The following LAPTM4B variants were observed in gnomAD, a reference collection of about 807,000 sequenced individuals.
LAPTM4B encodes lysosomal protein transmembrane 4 beta.
LAPTM4B carries 26 observed loss-of-function variants against 28.5 expected under a neutral mutation model. The observed-to-expected ratio is 0.91, with a 90% CI of 0.67 to 1.27. LAPTM4B has a LOEUF of 1.27. Ranked by LOEUF, LAPTM4B falls within the 50% of genes most tolerant of loss-of-function variation. LAPTM4B has a pLI of 0.00. For synonymous variants in LAPTM4B, 109 were observed against 106.4 expected (o/e 1.02, Z -0.15); for missense variants, 288 against 285.8 (o/e 1.01, Z -0.06).
intron 1 of LAPTM4B, 32 bp from the exon 2 acceptor site, chr8:97,805,321 A>ATTTT: frequency 1.1e-6 from 1 of 941,206 alleles, no homozygotes; most frequent in South Asian, 1.6e-5. Flanking sequence ...GGTTACTTAA[A>ATTTT]TTCTTTTTTT....
chr8:97,818,402 A>T (rs1378450407), intron 4 of LAPTM4B, among the ~76,000 whole-genome samples: 2 of 152,158 alleles, frequency 1.3e-5, no homozygotes, highest in African/African-American at 4.8e-5. Flanking sequence ...CTTCCCATTC[A>T]CTTGCCTAGG....
intron 2 of LAPTM4B, among the ~76,000 whole-genome samples, chr8:97,811,845 G>C (rs1248578341): frequency 6.6e-6 from 1 of 152,050 alleles, no homozygotes. Context: ...TTGCTCTGTC[G>C]CCCAGGCTGG....
At chr8:97,841,257 T>C (rs1031174153) in intron 6 of LAPTM4B, among the ~76,000 whole-genome samples, 15 of 147,392 alleles carry the variant, frequency 1.0e-4, no homozygotes, top group African/African-American at 3.8e-4. Context: ...TACAGAGTTG[T>C]GTGTCTGTGT....
chr8:97,776,132 G>T (rs1209379509), intron 1 of LAPTM4B, 24 bp downstream of exon 1: 38 of 1,552,146 alleles, frequency 2.4e-5, no homozygotes, highest in Non-Finnish European at 3.3e-5. Flanking sequence ...GCCCGGCCCG[G>T]GACCCTGCGT....
chr8:97,781,966 A>G (rs1166307223), intron 1 of LAPTM4B, among the ~76,000 whole-genome samples: 2 of 143,946 alleles, frequency 1.4e-5, no homozygotes, highest in South Asian at 2.2e-4. Context: ...ACATTCTTGC[A>G]CAAGACTTTG....
intron 1 of LAPTM4B, among the ~76,000 whole-genome samples, chr8:97,799,917 A>C (rs894288092): frequency 1.3e-5 from 2 of 151,872 alleles, no homozygotes; most frequent in African/African-American, 4.8e-5. Context: ...TCATACTTGG[A>C]ATTGTTCTTT....
At chr8:97,776,697 C>CA (rs933048815) in intron 1 of LAPTM4B, among the ~76,000 whole-genome samples, 5 of 152,060 alleles carry the variant, frequency 3.3e-5, no homozygotes, top group South Asian at 2.1e-4. Context: ...GGGTCCCCCC[C>CA]CCGATGTTTT....
rs1231753573 is a variant in LAPTM4B at position 97,775,834 on chromosome 8, C to T, written c.-176C>T. 6 of 1,548,292 alleles carry T rather than the reference C, an allele frequency of 3.9e-6. No individual in the cohort carries two copies. The highest frequency in any genetic ancestry group is 1.9e-5 in the Admixed American group (1 of 52,286). ...GCCTTCGGAGCGAAGGGTACCGACC[C>T]GGCAGAAGCTCGGAGCTCTCGGGGT... On this transcript the variant is annotated 5_prime_UTR_variant, in exon 1 of 7. Coordinates refer to ENST00000521545, the MANE Select transcript of LAPTM4B (RefSeq NM_018407.6).
At chr8:97,840,141 C>T (rs1316101182) in intron 6 of LAPTM4B, among the ~76,000 whole-genome samples, 1 of 152,176 alleles carries the variant, frequency 6.6e-6, no homozygotes, top group Non-Finnish European at 1.5e-5. Flanking sequence ...GATAGGATTA[C>T]CGAGGTGATA....
chr8:97,811,957 C>T (rs1488810360), intron 2 of LAPTM4B, among the ~76,000 whole-genome samples: 1 of 152,008 alleles, frequency 6.6e-6, no homozygotes, highest in East Asian at 1.9e-4. Context: ...AGGTGCGTAC[C>T]ACCATGCCTG....
In LAPTM4B at chr8:97,809,397, T is replaced by C. The variant is rs552512801; in HGVS notation, c.211+3933T>C. On this transcript the variant is annotated intron_variant, in intron 2 of 6. Transcript: ENST00000521545. ...ATGAGTATAATGGGGTTATTCAGAA[T>C]AGACAGAGTAAGAAATGTTAGACCA... Among the ~76,000 whole-genome samples, 246 of 152,282 alleles carry C rather than the reference T, an allele frequency of 1.6e-3. 1 individual carries two copies. The highest frequency in any genetic ancestry group is 5.6e-3 in the African/African-American group (231 of 41,546).
intron 1 of LAPTM4B, among the ~76,000 whole-genome samples, chr8:97,786,281 T>G (rs1248786537): frequency 1.3e-5 from 2 of 151,996 alleles, no homozygotes; most frequent in Non-Finnish European, 2.9e-5. Context: ...GTTTTAAGAG[T>G]TTCGAGTTGC....
intron 6 of LAPTM4B, among the ~76,000 whole-genome samples, chr8:97,834,888 A>T (rs1055256482): frequency 1.3e-5 from 2 of 152,238 alleles, no homozygotes; most frequent in Admixed American, 6.5e-5. Context: ...TTCTGGGGTT[A>T]GAGGACAGGC....
intron 2 of LAPTM4B, 137 bp from the exon 3 acceptor site, chr8:97,815,191 A>G (rs1816889799): frequency 1.5e-6 from 1 of 658,606 alleles, no homozygotes; most frequent in African/African-American, 1.8e-5. Context: ...CTATTTTGAA[A>G]TAATCTCTTA....
intron 1 of LAPTM4B, among the ~76,000 whole-genome samples, chr8:97,799,741 A>G (rs1407980288): frequency 6.6e-6 from 1 of 152,122 alleles, no homozygotes; most frequent in Non-Finnish European, 1.5e-5. Flanking sequence ...CATTTTCATT[A>G]ACTATTAGAA....
chr8:97,815,520 C>T, intron 3 of LAPTM4B, 119 bp downstream of exon 3: 1 of 781,888 alleles, frequency 1.3e-6, no homozygotes. Flanking sequence ...CTGTTTAAAT[C>T]TCTCGTTTGT....
chr8:97,831,807 C>T (rs1356340200), intron 6 of LAPTM4B, among the ~76,000 whole-genome samples: 2 of 152,216 alleles, frequency 1.3e-5, no homozygotes, highest in South Asian at 4.1e-4. Context: ...GTTTTGTGGG[C>T]GCAGACGTTT....
Position 97,825,011 on chromosome 8 carries a change from C to T in LAPTM4B, c.508-47C>T, listed in dbSNP as rs547719680. The stretch of plus-strand genomic sequence containing the variant: ...TTTATCTGTGTGGTATTCTAAATTA[C>T]CTGCAGTTTGAAAATTAAAAATCTG... On this transcript the variant is annotated intron_variant, in intron 5 of 6. Coordinates refer to ENST00000521545, the MANE Select transcript of LAPTM4B (RefSeq NM_018407.6). The T allele has an allele frequency of 4.9e-6, 5 of 1,026,476 alleles. No individual in the cohort carries two copies. The Admixed American group carries it at 8.6e-5, about 18-fold the overall frequency. 63.6% of individuals were successfully genotyped at this position (1,026,476 alleles called of 1,614,324 possible).
intron 1 of LAPTM4B, among the ~76,000 whole-genome samples, chr8:97,780,361 G>T (rs1020167707): frequency 6.6e-6 from 1 of 152,008 alleles, no homozygotes; most frequent in African/African-American, 2.4e-5. Context: ...GGAGGCGGAG[G>T]TTGCAGTGAG....
Sources: allele counts gnomAD v4.1 joint callset (sites outside exome capture counted in the v4.1 genomes callset), GRCh38; gene constraint gnomAD v4.1.1; transcripts MANE v1.5; gene names NCBI Gene and HGNC (gene_info 2026-07-23, HGNC 2026-07-21).